Variants in SIM1 observed in about 807,000 individuals in gnomAD.
The protein encoded by SIM1 is SIM bHLH transcription factor 1.
A neutral mutation model predicts 78.2 loss-of-function variants in SIM1; 18 were observed. The ratio of observed to expected loss-of-function variants is 0.23; its 90% CI spans 0.16 to 0.34. The LOEUF (loss-of-function observed/expected upper bound fraction) is 0.34. SIM1 is among the 10% of genes least tolerant of loss of function. SIM1 has a pLI of 1.00. For synonymous variants in SIM1, 417 were observed against 385.2 expected (o/e 1.08, Z -0.97); for missense variants, 939 against 975.1 (o/e 0.96, Z 0.49).
Position 100,393,765 on chromosome 6 carries a change from T to A in SIM1, c.1292A>T (p.Asp431Val), listed in dbSNP as rs1441271271. The change falls in exon 11 of 12, where the codon GAC (aspartate) becomes GTC (valine). Residue 431 changes from aspartate (D) to valine (V), a missense_variant. Around this residue, in one of 5 missense-constraint regions of SIM1, gnomAD observed 556 missense variants for 521.9 expected, o/e 1.07. Transcript: ENST00000369208. ...AAACTGTCTGTAGGCGCACGATGCG[T>A]CGTGCTGGGAGCCAGGCCTATCGGC... The part of the protein sequence containing the change: ...DPADRPGSQH[D>V]ASCAYRQFSD... The A allele has an allele frequency of 1.2e-6, 2 of 1,614,184 alleles. No homozygotes were observed. Among genetic ancestry groups the A allele is most frequent in the East Asian group, 2.2e-5 (1 of 44,876 alleles).
chr6:100,425,836 C>T (rs1771712026), intron 9 of SIM1, among the ~76,000 whole-genome samples: 1 of 152,136 alleles, frequency 6.6e-6, no homozygotes, highest in African/African-American at 2.4e-5. Flanking sequence ...TTAATGCTTC[C>T]TCATGGAGTG....
At chr6:100,444,115 T>C (rs1283848044) in intron 9 of SIM1, among the ~76,000 whole-genome samples, 1 of 152,052 alleles carries the variant, frequency 6.6e-6, no homozygotes, top group Non-Finnish European at 1.5e-5. Flanking sequence ...GTTCTACATT[T>C]TCTTTACATT....
rs538471389 is a variant in SIM1, at chr6:100,427,446, A to G, written c.999-6488T>C. 3.9e-5 allele frequency among the ~76,000 whole-genome samples: 6 copies of G among 152,348 alleles called. No individual in the cohort carries two copies. In the East Asian group the frequency reaches 1.2e-3, roughly 29 times the overall value. ...CTTTCTTCTCCACTTTGAAGGTTTC[A>G]TCCAACATGCTATGGAGTGGATGGC... On this transcript the variant is annotated intron_variant, in intron 9 of 11. Coordinates refer to ENST00000369208, the MANE Select transcript of SIM1 (RefSeq NM_005068.3).
chr6:100,449,752 G>A, intron 4 of SIM1, 53 bp from the exon 5 acceptor site: 1 of 1,460,528 alleles, frequency 6.8e-7, no homozygotes, highest in Admixed American at 1.7e-5. Flanking sequence ...CCCGGTGAAG[G>A]GACTGAAAGA....
At chr6:100,411,244 A>C (rs1316639703) in intron 10 of SIM1, among the ~76,000 whole-genome samples, 1 of 152,204 alleles carries the variant, frequency 6.6e-6, no homozygotes, top group Non-Finnish European at 1.5e-5. Context: ...TTTATTATCA[A>C]AACACACATA....
chr6:100,451,441 T>C (rs1467509489), intron 3 of SIM1, among the ~76,000 whole-genome samples: 6 of 152,236 alleles, frequency 3.9e-5, no homozygotes, highest in Non-Finnish European at 7.3e-5. Flanking sequence ...GCTTGAAATG[T>C]CAATTTGAGA....
chr6:100,435,316 C>A (rs1772015618), intron 9 of SIM1, among the ~76,000 whole-genome samples: 1 of 152,178 alleles, frequency 6.6e-6, no homozygotes, highest in Admixed American at 6.5e-5. Flanking sequence ...ATAGAAGTGA[C>A]AATTTCATAT....
chr6:100,414,345 CT>C (rs1364999569), intron 10 of SIM1, among the ~76,000 whole-genome samples: 1 of 152,168 alleles, frequency 6.6e-6, no homozygotes, highest in Non-Finnish European at 1.5e-5. Context: ...AAGAATTCAC[CT>C]ATATTACTTC....
chr6:100,436,287 A>G (rs148307986), intron 9 of SIM1, among the ~76,000 whole-genome samples: 26 of 152,266 alleles, frequency 1.7e-4, no homozygotes, highest in Admixed American at 5.9e-4. Context: ...ACACTGTCTT[A>G]CTCATTTTGA....
rs1388291350 is a variant in SIM1 at position 100,388,494 on chromosome 6, A to C, written c.*1867T>G. 1 of 152,180 alleles carries C rather than the reference A, an allele frequency of 6.6e-6. No individual in the cohort carries two copies. Among genetic ancestry groups the C allele is most frequent in the African/African-American group, 2.4e-5 (1 of 41,432 alleles). 9.4% of individuals were successfully genotyped at this position (152,180 alleles called of 1,614,324 possible). ...TGCACTTTTTTGCATTTACAGCACA[A>C]ATGTTAACATTATTTAATTTTATGT... On this transcript the variant is annotated 3_prime_UTR_variant, in exon 12 of 12. Transcript: ENST00000369208.
chr6:100,404,017 T>G (rs1770993061), intron 10 of SIM1, among the ~76,000 whole-genome samples: 1 of 152,230 alleles, frequency 6.6e-6, no homozygotes, highest in African/African-American at 2.4e-5. Context: ...AAGACAACAG[T>G]GTCCTACCCC....
intron 7 of SIM1, 51 bp downstream of exon 7, chr6:100,448,428 G>A (rs1282478097): frequency 1.3e-6 from 2 of 1,569,808 alleles, no homozygotes; most frequent in South Asian, 2.3e-5. Context: ...CAGTCACTAA[G>A]CAGGGCCGCC....
rs188821440 is a variant in SIM1, at chr6:100,420,810, T to C, written c.1147A>G (p.Arg383Gly). Residue 383 changes from arginine (R) to glycine (G), a missense_variant, in exon 10 of 12, where the codon AGG (arginine) becomes GGG (glycine). By Grantham distance (125) the Arg-to-Gly change is moderately radical. This residue lies in a region of SIM1 where 556 missense variants were observed against 521.9 expected (regional missense o/e 1.07). Coordinates refer to ENST00000369208, the MANE Select transcript of SIM1 (RefSeq NM_005068.3). ...CTTACCTGAGGGTATGGGGAAGTCC[T>C]GGATTTTGACTTTGAGCTGGAGAGC... ...SRLSSSKSKSRTSPYPQYSGF... is the reference protein window; with the variant it reads ...SRLSSSKSKSGTSPYPQYSGF... The C allele has an allele frequency of 5.0e-5, 80 of 1,614,094 alleles. No homozygotes were observed. In the East Asian group the frequency reaches 1.4e-3, roughly 28 times the overall value.
At chr6:100,418,252 T>A (rs922442059) in intron 10 of SIM1, among the ~76,000 whole-genome samples, 1 of 151,776 alleles carries the variant, frequency 6.6e-6, no homozygotes, top group African/African-American at 2.4e-5. Context: ...CTTAGAAAGC[T>A]GATACTACAG....
chr6:100,452,289 A>C lies in SIM1; in HGVS notation c.258+1473T>G, dbSNP rs114269703. 3.9e-3 allele frequency among the ~76,000 whole-genome samples: 594 copies of C among 152,288 alleles called. 4 individuals carry two copies. Among genetic ancestry groups the C allele is most frequent in the African/African-American group, 0.014 (573 of 41,538 alleles). ...CTTCCTCTCCTCCTTATTTTTCTCC[A>C]TGGCACCTATACCACCTGGTAAACT... is the stretch of plus-strand genomic sequence containing the variant. On this transcript the variant is annotated intron_variant, in intron 3 of 11. Transcript: ENST00000369208.
chr6:100,415,874 T>A (rs1771385979), intron 10 of SIM1, among the ~76,000 whole-genome samples: 1 of 152,082 alleles, frequency 6.6e-6, no homozygotes, highest in Non-Finnish European at 1.5e-5. Context: ...TGGGAAAGTC[T>A]CTTGGGTAAC....
chr6:100,412,867 A>C (rs1365553760), intron 10 of SIM1, among the ~76,000 whole-genome samples: 1 of 152,106 alleles, frequency 6.6e-6, no homozygotes, highest in Non-Finnish European at 1.5e-5. Context: ...CTGGTCCTTG[A>C]AGGGGCACCC....
At chr6:100,403,511 G>A (rs979884643) in intron 10 of SIM1, among the ~76,000 whole-genome samples, 3 of 152,180 alleles carry the variant, frequency 2.0e-5, no homozygotes, top group Non-Finnish European at 2.9e-5. Context: ...CAGGTGATAG[G>A]AGAAATACAG....
chr6:100,450,248 A>C lies in SIM1; in HGVS notation c.348+19T>G, dbSNP rs1772473493. The stretch of plus-strand genomic sequence containing the variant: ...TGGCTGTAAACACTGCAGGTGGGAT[A>C]TGTGAACCACTCACCTACCTGAGAA... On this transcript the variant is annotated intron_variant, in intron 4 of 11. Coordinates refer to ENST00000369208, the MANE Select transcript of SIM1 (RefSeq NM_005068.3). 6.2e-7 allele frequency: 1 copy of C among 1,604,942 alleles called. No homozygotes were observed. Among genetic ancestry groups the C allele is most frequent in the African/African-American group, 1.3e-5 (1 of 74,742 alleles).
Sources: gnomAD v4.1 joint callset for allele counts (sites outside exome capture counted in the v4.1 genomes callset) on GRCh38, gnomAD v4.1.1 for gene constraint, gnomAD v4.1.1 regional missense constraint, MANE v1.5 for transcripts, NCBI Gene and HGNC (gene_info 2026-07-23, HGNC 2026-07-21) for gene names.